Variants in ARPC1A observed in about 807,000 individuals in gnomAD.
ARPC1A encodes the protein actin related protein 2/3 complex subunit 1A.
A neutral mutation model predicts 46.9 loss-of-function variants in ARPC1A; 8 were observed. The observed-to-expected ratio is 0.17, with a 90% CI of 0.10 to 0.31. ARPC1A has a LOEUF of 0.31. Among genes scored for constraint, ARPC1A ranks in the 10% least tolerant of loss-of-function variants. The pLI is 1.00. For missense variants in ARPC1A, 286 were observed against 483.6 expected (o/e 0.59, Z 3.83); for synonymous variants, 152 against 169.0 (o/e 0.90, Z 0.78).
chr7:99,336,481 ATTTTTTTTTTTTT>A lies in ARPC1A; in HGVS notation c.65-1684_65-1672del, dbSNP rs757908410. 3.9e-5 allele frequency among the ~76,000 whole-genome samples: 4 copies of A among 103,194 alleles called. No individual in the cohort carries two copies. In the South Asian group the frequency reaches 1.1e-3, roughly 28 times the overall value. The allele number at this position is 103,194 out of a possible 152,430, so 67.7% of individuals were successfully genotyped here. ...CCTAAAGTTTGGATCATAGGTCTTA[ATTTTTTTTTTTTT>A]TTTTTTTTTTTTTTTGAGACAGGGT... On this transcript the variant is annotated intron_variant, in intron 2 of 9. Coordinates refer to ENST00000262942, the MANE Select transcript of ARPC1A (RefSeq NM_006409.4).
chr7:99,346,893 C>T (rs971099010), intron 4 of ARPC1A, among the ~76,000 whole-genome samples: 19 of 151,952 alleles, frequency 1.3e-4, no homozygotes, highest in African/African-American at 4.4e-4. Flanking sequence ...GCAGGAGAAT[C>T]GCTTGAACCA....
intron 8 of ARPC1A, chr7:99,360,173 C>G (rs1793715215): frequency 5.1e-6 from 1 of 196,990 alleles, no homozygotes; most frequent in East Asian, 1.2e-4. Context: ...GCTGTCGTTT[C>G]AAGTAATGGA....
intron 9 of ARPC1A, among the ~76,000 whole-genome samples, chr7:99,364,237 G>GAGCC (rs1328263528): frequency 2.0e-5 from 3 of 150,876 alleles, no homozygotes; most frequent in Middle Eastern, 6.9e-3. Flanking sequence ...TTACAGGCGT[G>GAGCC]AGCCACCATG....
intron 4 of ARPC1A, among the ~76,000 whole-genome samples, 179 bp from the exon 5 acceptor site, chr7:99,348,673 T>C (rs1793502439): frequency 1.3e-5 from 2 of 152,256 alleles, no homozygotes; most frequent in African/African-American, 4.8e-5. Flanking sequence ...TCTTTTTTTA[T>C]AGAAACCTAT....
chr7:99,349,941 G>C (rs571529600), intron 5 of ARPC1A, among the ~76,000 whole-genome samples: 1 of 152,214 alleles, frequency 6.6e-6, no homozygotes, highest in African/African-American at 2.4e-5. Context: ...AACCGGGGAG[G>C]TGGAGGTTGC....
At chr7:99,341,030 C>T (rs1011086249) in intron 3 of ARPC1A, among the ~76,000 whole-genome samples, 23 of 152,118 alleles carry the variant, frequency 1.5e-4, no homozygotes, top group African/African-American at 5.1e-4. Context: ...AATTTTAGGC[C>T]GGGTGCGGTG....
At chr7:99,340,977 G>A (rs538195720) in intron 3 of ARPC1A, among the ~76,000 whole-genome samples, 49 of 152,212 alleles carry the variant, frequency 3.2e-4, no homozygotes, top group African/African-American at 1.0e-3. Flanking sequence ...CTTTGCCAGT[G>A]GCCTCATAGC....
At chr7:99,345,520 G>A (rs1472475778) in intron 4 of ARPC1A, among the ~76,000 whole-genome samples, 7 of 152,046 alleles carry the variant, frequency 4.6e-5, no homozygotes, top group African/African-American at 1.7e-4. Context: ...AATTAGCCAG[G>A]CACAGTGGCA....
intron 1 of ARPC1A, among the ~76,000 whole-genome samples, chr7:99,329,066 C>T (rs1034802551): frequency 2.0e-4 from 31 of 151,714 alleles, no homozygotes; most frequent in African/African-American, 1.9e-4. Context: ...TTTGGGAGGC[C>T]GAGGCAGGCG....
At chr7:99,335,424 ATTGTTCTTT>A (rs1793229313) in intron 2 of ARPC1A, 2 of 442,874 alleles carry the variant, frequency 4.5e-6, no homozygotes, top group South Asian at 3.2e-5. Context: ...ATTCTATTCC[ATTGTTCTTT>A]ATGTTTATCC....
At chr7:99,342,881 C>G (rs1793377947) in intron 3 of ARPC1A, among the ~76,000 whole-genome samples, 1 of 151,792 alleles carries the variant, frequency 6.6e-6, no homozygotes, top group Non-Finnish European at 1.5e-5. Context: ...TGTCACCACG[C>G]CCGGCTAATT....
At position 99,352,895 on chromosome 7, in the gene ARPC1A, C is replaced by T. The variant is rs575867973; in HGVS notation, c.501-1014C>T. 1.1e-4 allele frequency among the ~76,000 whole-genome samples: 17 copies of T among 151,904 alleles called. No homozygotes were observed. The East Asian group carries it at 2.9e-3, about 26-fold the overall frequency. On this transcript the variant is annotated intron_variant, in intron 5 of 9. Transcript: ENST00000262942. ...AGGAGAATCTCTTGAACCCAGGAGG[C>T]GGAGGTTGTGGTGAGCCAGGATCAT... is the stretch of plus-strand genomic sequence containing the variant.
At chr7:99,342,095 A>G (rs114985019) in intron 3 of ARPC1A, among the ~76,000 whole-genome samples, 1 of 152,314 alleles carries the variant, frequency 6.6e-6, no homozygotes, top group African/African-American at 2.4e-5. Context: ...GAATAGTATA[A>G]TGAGCCTTTT....
At chr7:99,334,313 G>C (rs1192732508) in intron 2 of ARPC1A, among the ~76,000 whole-genome samples, 1 of 151,870 alleles carries the variant, frequency 6.6e-6, no homozygotes, top group Non-Finnish European at 1.5e-5. Context: ...AGTGATCTGA[G>C]ATTGTGCCAC....
intron 2 of ARPC1A, chr7:99,335,399 A>G: frequency 2.2e-6 from 1 of 445,696 alleles, no homozygotes; most frequent in South Asian, 1.6e-5. Context: ...ATGAGAGTTT[A>G]TTTCTGGACT....
intron 8 of ARPC1A, chr7:99,359,959 G>T: frequency 1.7e-6 from 1 of 596,278 alleles, no homozygotes; most frequent in Non-Finnish European, 3.0e-6. Flanking sequence ...GTCCTTCAAG[G>T]TGCAGATTAC....
chr7:99,328,984 G>A (rs955585387), intron 1 of ARPC1A, among the ~76,000 whole-genome samples: 1 of 151,432 alleles, frequency 6.6e-6, no homozygotes, highest in South Asian at 2.1e-4. Flanking sequence ...AAAGGGATGA[G>A]GGGGGAGGGA....
chr7:99,338,864 C>T (rs770411483), intron 3 of ARPC1A, among the ~76,000 whole-genome samples: 8 of 152,092 alleles, frequency 5.3e-5, no homozygotes, highest in Non-Finnish European at 7.3e-5. Context: ...GGAGATGAGA[C>T]GTGAAATTGA....
intron 9 of ARPC1A, among the ~76,000 whole-genome samples, chr7:99,365,240 C>A (rs1793815614): frequency 6.6e-6 from 1 of 151,808 alleles, no homozygotes; most frequent in South Asian, 2.1e-4. Context: ...CGCTTGAGGC[C>A]AGGAGTTTTG....
Sources: allele counts gnomAD v4.1 joint callset (sites outside exome capture counted in the v4.1 genomes callset), GRCh38; gene constraint gnomAD v4.1.1; transcripts MANE v1.5; gene names NCBI Gene and HGNC (gene_info 2026-07-23, HGNC 2026-07-21).